The following WNT7B variants were observed in gnomAD, a reference collection of about 807,000 sequenced individuals.
WNT7B encodes the protein protein Wnt-7b.
WNT7B carries 19 observed loss-of-function variants against 38.2 expected under a neutral mutation model. The ratio of observed to expected loss-of-function variants is 0.50; its 90% CI spans 0.35 to 0.73. The LOEUF (loss-of-function observed/expected upper bound fraction) is 0.73, where lower values mean the gene tolerates loss of function less well. Ranked by LOEUF, WNT7B falls within the 30% of genes least tolerant of loss-of-function variation. The pLI is 0.01. For synonymous variants in WNT7B, 243 were observed against 209.3 expected (o/e 1.16, Z -1.39); for missense variants, 423 against 507.9 (o/e 0.83, Z 1.61).
At chr22:45,974,779 G>A (rs1438492558) in intron 1 of WNT7B, among the ~76,000 whole-genome samples, 1 of 152,070 alleles carries the variant, frequency 6.6e-6, no homozygotes, top group Non-Finnish European at 1.5e-5. Context: ...GCCCGGTGGG[G>A]TCTTGCTCAC....
chr22:45,950,098 C>T lies in WNT7B; in HGVS notation c.120G>A (p.Lys40=). 1 of 1,614,078 alleles carries T rather than the reference C, an allele frequency of 6.2e-7. No individual in the cohort carries two copies. Among genetic ancestry groups the T allele is most frequent in the South Asian group, 1.1e-5 (1 of 91,088 alleles). Residue 40 remains lysine (K), a synonymous_variant, in exon 2 of 4, where the codon AAG becomes AAA. Transcript: ENST00000339464. ...VALGANIICN[K]IPGLAPRQRA... The stretch of plus-strand genomic sequence containing the variant: ...GCTGCCGCGGGGCTAGGCCAGGAAT[C>T]TTGTTGCAGATGATGTTGGCTCCCA...
Position 45,976,553 on chromosome 22 carries a change from G to A in WNT7B, c.71+131C>T. 4 of 977,108 alleles carry A rather than the reference G, an allele frequency of 4.1e-6. No homozygotes were observed. In the South Asian group the frequency reaches 4.7e-5, roughly 12 times the overall value. 60.5% of individuals were successfully genotyped at this position (977,108 alleles called of 1,614,324 possible). A position where few individuals can be genotyped will look rare whatever the true frequency, so the allele number is the denominator to read the frequency against. The stretch of plus-strand genomic sequence containing the variant: ...GGCGTGGGGCGAGGGTCTGACACAC[G>A]GGCCAGCCCCGGAGCCCAGAGAGCT... On this transcript the variant is annotated intron_variant, in intron 1 of 3. Transcript: ENST00000339464. The surrounding 1 kb of genome is among the most constrained non-coding windows in gnomAD (Gnocchi z 8.5).
intron 3 of WNT7B, chr22:45,925,103 C>T (rs1931041860): frequency 1.0e-6 from 1 of 965,372 alleles, no homozygotes. Context: ...CCCAAAGGCA[C>T]ATCAGATGAG....
In WNT7B at chr22:45,931,150, T is replaced by C. The variant is rs1358774210; in HGVS notation, c.518A>G (p.Lys173Arg). The change falls in exon 3 of 4, where the codon AAG becomes AGG. Residue 173 changes from lysine (K) to arginine (R), a missense_variant. Lys to Arg is a conservative substitution (Grantham distance 26). Around this residue, in one of 3 missense-constraint regions of WNT7B, gnomAD observed 132 missense variants for 113.4 expected, o/e 1.16. Transcript: ENST00000339464. ...GTTCATGAGGCGCCGCGCGTTCTTC[T>C]TGATCTCCCGAGCGTCCACGAAGCG... ...SRRFVDAREI[K>R]KNARRLMNLH... 9 of 1,595,562 alleles carry C rather than the reference T, an allele frequency of 5.6e-6. No individual in the cohort carries two copies. Among genetic ancestry groups the C allele is most frequent in the Non-Finnish European group, 2.6e-6 (3 of 1,176,010 alleles).
At chr22:45,973,409 A>G (rs528684036) in intron 1 of WNT7B, among the ~76,000 whole-genome samples, 1 of 152,312 alleles carries the variant, frequency 6.6e-6, no homozygotes, top group Admixed American at 6.5e-5. Context: ...GTCCTGAGGA[A>G]GAGGATTTTC....
chr22:45,945,182 C>A (rs1331813507), intron 2 of WNT7B, among the ~76,000 whole-genome samples: 2 of 152,054 alleles, frequency 1.3e-5, no homozygotes, highest in African/African-American at 4.8e-5. Flanking sequence ...CACCCGGGTT[C>A]AAGTGATTCT....
chr22:45,947,519 C>T (rs955319180), intron 2 of WNT7B, among the ~76,000 whole-genome samples: 5 of 152,124 alleles, frequency 3.3e-5, no homozygotes, highest in African/African-American at 1.2e-4. Context: ...GCCAGAGGTT[C>T]GCATGGGTCG....
rs1931938871 is a variant in WNT7B, at chr22:45,951,764, A to G, written c.72-1618T>C. Among the ~76,000 whole-genome samples the G allele has an allele frequency of 6.6e-6, 1 of 152,164 alleles. No individual in the cohort carries two copies. Among genetic ancestry groups the G allele is most frequent in the African/African-American group, 2.4e-5 (1 of 41,416 alleles). On this transcript the variant is annotated intron_variant, in intron 1 of 3. Transcript: ENST00000339464. This position sits in a 1 kb window ranked among gnomAD's most constrained non-coding sequence, Gnocchi z 4.8. ...TGATATTCCATTGTGTGGACAGACC[A>G]TATTTTGTGTATCCATTCATGGCTG...
At chr22:45,944,809 C>T (rs1309688873) in intron 2 of WNT7B, among the ~76,000 whole-genome samples, 2 of 152,304 alleles carry the variant, frequency 1.3e-5, no homozygotes, top group Non-Finnish European at 2.9e-5. Context: ...AGGTGGCTGC[C>T]CTCCCACCCC....
At chr22:45,971,221 C>CGTGT (rs1932430292) in intron 1 of WNT7B, among the ~76,000 whole-genome samples, 2 of 126,970 alleles carry the variant, frequency 1.6e-5, no homozygotes, top group Non-Finnish European at 3.2e-5. Context: ...CGACCCCGGA[C>CGTGT]GTGGCCCGCG....
Position 45,953,076 on chromosome 22 carries a change from G to A in WNT7B, c.72-2930C>T, listed in dbSNP as rs558069741. Among the ~76,000 whole-genome samples the A allele has an allele frequency of 2.6e-3, 390 of 152,268 alleles. 1 individual carries two copies. Among genetic ancestry groups the A allele is most frequent in the Non-Finnish European group, 4.3e-3 (294 of 68,018 alleles). On this transcript the variant is annotated intron_variant, in intron 1 of 3. Transcript: ENST00000339464. ...CTGGCACTGAGGGGGAGCGCGGTGG[G>A]CACTGGTTTTGCGGGTGTAGAGCTC...
chr22:45,944,736 C>G (rs1931753703), intron 2 of WNT7B, among the ~76,000 whole-genome samples: 1 of 152,238 alleles, frequency 6.6e-6, no homozygotes, highest in African/African-American at 2.4e-5. Flanking sequence ...TGGGTGCAAG[C>G]CCTGGCCTGG....
chr22:45,972,336 G>A (rs1932465631), intron 1 of WNT7B: 4 of 400,202 alleles, frequency 1.0e-5, no homozygotes, highest in East Asian at 4.1e-5. Context: ...GATGCAGGGC[G>A]GCGGCGCTGG....
intron 2 of WNT7B, among the ~76,000 whole-genome samples, chr22:45,940,088 T>C (rs1358675340): frequency 6.6e-6 from 1 of 152,160 alleles, no homozygotes; most frequent in Non-Finnish European, 1.5e-5. Context: ...CGTGGGCTTG[T>C]ACACATTAAA....
At chr22:45,940,924 C>A (rs1250656545) in intron 2 of WNT7B, among the ~76,000 whole-genome samples, 1 of 152,178 alleles carries the variant, frequency 6.6e-6, no homozygotes, top group Non-Finnish European at 1.5e-5. Flanking sequence ...TTTGTCCCAG[C>A]AGAGATCAGT....
intron 2 of WNT7B, among the ~76,000 whole-genome samples, chr22:45,934,700 G>A (rs1301630086): frequency 1.3e-5 from 2 of 152,204 alleles, no homozygotes; most frequent in Non-Finnish European, 2.9e-5. Context: ...TCCCGCAAGC[G>A]CCTGCTCTCA....
chr22:45,970,919 G>C (rs1203830019), intron 1 of WNT7B, among the ~76,000 whole-genome samples: 1 of 152,246 alleles, frequency 6.6e-6, no homozygotes, highest in Admixed American at 6.5e-5. Flanking sequence ...GCTGCCCGCC[G>C]GGCCTGGAGC....
intron 2 of WNT7B, among the ~76,000 whole-genome samples, chr22:45,932,326 T>C (rs974065972): frequency 1.3e-5 from 2 of 152,132 alleles, no homozygotes; most frequent in Admixed American, 6.5e-5. Context: ...TGTGGTCTTT[T>C]TGGTGGCATT....
chr22:45,929,344 T>C (rs1333689527), intron 3 of WNT7B, among the ~76,000 whole-genome samples: 2 of 152,032 alleles, frequency 1.3e-5, no homozygotes, highest in African/African-American at 4.8e-5. Flanking sequence ...CCTGTGTCAC[T>C]CATTCCTTTA....
Sources: allele counts gnomAD v4.1 joint callset (sites outside exome capture counted in the v4.1 genomes callset), GRCh38; gene constraint gnomAD v4.1.1; regional missense constraint gnomAD v4.1.1; non-coding constraint Gnocchi (gnomAD v3.1); transcripts MANE v1.5; gene names NCBI Gene and HGNC (gene_info 2026-07-23, HGNC 2026-07-21).